Variants in STXBP6 observed in about 807,000 individuals in gnomAD.
The protein encoded by STXBP6 is syntaxin binding protein 6.
In STXBP6, 21 loss-of-function variants were observed where a neutral mutation model predicts 26.9. The observed-to-expected ratio is 0.78, with a 90% confidence interval of 0.55 to 1.12. The LOEUF is 1.12. Among genes scored for constraint, STXBP6 ranks in the 50% most tolerant of loss-of-function variants. The pLI is 0.00. For synonymous variants in STXBP6, 97 were observed against 92.6 expected (o/e 1.05, Z -0.27); for missense variants, 232 against 257.9 (o/e 0.90, Z 0.69).
intron 1 of STXBP6, among the ~76,000 whole-genome samples, chr14:25,040,816 G>C (rs1028932192): frequency 1.1e-4 from 17 of 152,158 alleles, no homozygotes; most frequent in African/African-American, 3.9e-4. Context: ...GAAAGCAAAG[G>C]CTGTCCCTAA....
At chr14:24,994,212 T>C (rs1424978619) in intron 1 of STXBP6, among the ~76,000 whole-genome samples, 2 of 152,168 alleles carry the variant, frequency 1.3e-5, no homozygotes, top group African/African-American at 4.8e-5. Flanking sequence ...TGGGATTGAT[T>C]TCTTACCTCC....
At chr14:24,829,532 C>T (rs1356951787) in intron 4 of STXBP6, among the ~76,000 whole-genome samples, 1 of 152,122 alleles carries the variant, frequency 6.6e-6, no homozygotes, top group East Asian at 1.9e-4. Flanking sequence ...GCATCTTTAC[C>T]CATACATCTC....
chr14:24,855,049 T>A (rs1215277519), intron 4 of STXBP6, among the ~76,000 whole-genome samples: 1 of 152,118 alleles, frequency 6.6e-6, no homozygotes, highest in Non-Finnish European at 1.5e-5. Context: ...ATAACTTCTC[T>A]ATACAACTTC....
intron 1 of STXBP6, among the ~76,000 whole-genome samples, chr14:25,035,885 G>A (rs2075541095): frequency 6.6e-6 from 1 of 152,142 alleles, no homozygotes; most frequent in Non-Finnish European, 1.5e-5. Context: ...AGTCGCAGGA[G>A]AAACACAGAG....
intron 2 of STXBP6, among the ~76,000 whole-genome samples, chr14:24,888,558 C>T (rs1420489559): frequency 1.3e-5 from 2 of 151,992 alleles, no homozygotes; most frequent in Non-Finnish European, 2.9e-5. Flanking sequence ...CCCATCTCTA[C>T]TAAAAAATAC....
chr14:24,994,390 T>A (rs1235596087), intron 1 of STXBP6, among the ~76,000 whole-genome samples: 2 of 152,160 alleles, frequency 1.3e-5, no homozygotes, highest in African/African-American at 4.8e-5. Flanking sequence ...TTCTCTAACT[T>A]TTGTTCTTGA....
intron 1 of STXBP6, among the ~76,000 whole-genome samples, chr14:25,017,415 A>G (rs2075173054): frequency 6.6e-6 from 1 of 152,224 alleles, no homozygotes; most frequent in African/African-American, 2.4e-5. Context: ...CAGAATCTCC[A>G]TGAGAGATGC....
intron 2 of STXBP6, among the ~76,000 whole-genome samples, chr14:24,861,298 G>A (rs543396216): frequency 1.7e-4 from 26 of 152,182 alleles, no homozygotes; most frequent in Non-Finnish European, 3.1e-4. Flanking sequence ...AAATAAATAA[G>A]CTGGAGGTAA....
At chr14:24,880,143 T>C (rs1037431002) in intron 2 of STXBP6, among the ~76,000 whole-genome samples, 7 of 152,186 alleles carry the variant, frequency 4.6e-5, no homozygotes, top group African/African-American at 1.4e-4. Flanking sequence ...AGTTGTCTTG[T>C]GCTAAAGGGT....
chr14:24,956,722 AG>A (rs34991956), intron 2 of STXBP6, among the ~76,000 whole-genome samples: 46,605 of 152,064 alleles, frequency 0.31, 8,299 homozygotes, highest in Middle Eastern at 0.43. Context: ...GTAATGAGAC[AG>A]GGGTTTCAGT....
At chr14:24,978,863 T>A (rs1185144870) in intron 1 of STXBP6, among the ~76,000 whole-genome samples, 3 of 152,200 alleles carry the variant, frequency 2.0e-5, no homozygotes, top group African/African-American at 7.2e-5. Flanking sequence ...CAAACTCAAA[T>A]GACCTCAGAG....
chr14:24,921,156 T>A (rs1160348984), intron 2 of STXBP6, among the ~76,000 whole-genome samples: 1 of 152,214 alleles, frequency 6.6e-6, no homozygotes, highest in Non-Finnish European at 1.5e-5. Context: ...TAGTATCACT[T>A]ACTTCACAGG....
At chr14:24,918,231 C>T (rs2071838958) in intron 2 of STXBP6, among the ~76,000 whole-genome samples, 1 of 151,604 alleles carries the variant, frequency 6.6e-6, no homozygotes, top group Non-Finnish European at 1.5e-5. Context: ...AAACTAAAAA[C>T]CAATTGTACA....
At chr14:24,932,489 C>T (rs1162952694) in intron 2 of STXBP6, among the ~76,000 whole-genome samples, 3 of 152,048 alleles carry the variant, frequency 2.0e-5, no homozygotes, top group African/African-American at 7.2e-5. Flanking sequence ...CATTGCACTG[C>T]AGCCTGGATG....
rs181673383 is a variant in STXBP6 at position 25,006,904 on chromosome 14, T to C, written c.-32-32054A>G. Reference sequence around the variant, plus strand: ...CAAAGGCATTTAACATATTCAGCAATAGGTAGAAACAATTCCTCACTGAAA... The same window carrying C: ...CAAAGGCATTTAACATATTCAGCAACAGGTAGAAACAATTCCTCACTGAAA... On this transcript the variant is annotated intron_variant, in intron 1 of 5. Transcript: ENST00000323944. 4.5e-3 allele frequency among the ~76,000 whole-genome samples: 670 copies of C among 149,026 alleles called. 5 individuals carry two copies. Among genetic ancestry groups the C allele is most frequent in the Non-Finnish European group, 5.8e-3 (393 of 67,474 alleles).
At chr14:24,977,376 T>C (rs959402254) in intron 1 of STXBP6, among the ~76,000 whole-genome samples, 1 of 152,022 alleles carries the variant, frequency 6.6e-6, no homozygotes, top group African/African-American at 2.4e-5. Flanking sequence ...GAAATAGAAA[T>C]GACCTTTTAT....
chr14:24,840,701 G>A (rs556968632), intron 4 of STXBP6, among the ~76,000 whole-genome samples: 3 of 152,248 alleles, frequency 2.0e-5, no homozygotes, highest in East Asian at 3.9e-4. Context: ...TTTGTAATTC[G>A]AGACAGACAC....
rs116934714 is a variant in STXBP6 at position 25,012,988 on chromosome 14, A to G, written c.-33+36890T>C. On this transcript the variant is annotated intron_variant, in intron 1 of 5. Coordinates refer to ENST00000323944, the MANE Select transcript of STXBP6 (RefSeq NM_001394410.1). ...ATGCCTGTAATCCCAGCACTTTGGG[A>G]GGCTGAGGTGGGAGGATTGCTTGAA... Among the ~76,000 whole-genome samples, 1,191 of 152,268 alleles carry G rather than the reference A, an allele frequency of 7.8e-3. 72 individuals are homozygous for G. The East Asian group carries it at 0.15, about 19-fold the overall frequency.
intron 2 of STXBP6, among the ~76,000 whole-genome samples, chr14:24,901,051 T>A (rs2071194008): frequency 6.6e-6 from 1 of 152,126 alleles, no homozygotes; most frequent in African/African-American, 2.4e-5. Context: ...AATCTCATAT[T>A]AAAAAGCCAA....
Sources: allele counts gnomAD v4.1 joint callset (sites outside exome capture counted in the v4.1 genomes callset), GRCh38; gene constraint gnomAD v4.1.1; transcripts MANE v1.5; gene names NCBI Gene and HGNC (gene_info 2026-07-23, HGNC 2026-07-21).